The following CTNNA3 variants were observed in gnomAD, a reference collection of about 807,000 sequenced individuals.
The protein encoded by CTNNA3 is catenin alpha-3.
CTNNA3 carries 76 observed loss-of-function variants against 95.7 expected under a neutral mutation model. The ratio of observed to expected loss-of-function variants is 0.79; its 90% CI spans 0.66 to 0.96. CTNNA3 has a LOEUF of 0.96. Among genes scored for constraint, CTNNA3 ranks in the 40% least tolerant of loss-of-function variants. The probability of loss-of-function intolerance (pLI) is 0.00; values close to 1 mark genes in which losing one functional copy is unlikely to be tolerated. For synonymous variants in CTNNA3, 431 were observed against 374.4 expected, an observed-to-expected ratio of 1.15 and a Z score of -1.74; for missense variants, 1,191 against 1,089.8, an observed-to-expected ratio of 1.09 and a Z score of -1.31.
Position 67,124,475 on chromosome 10 carries a change from C to T in CTNNA3, c.1047+55842G>A, listed in dbSNP as rs543413345. ...TTACAAAAAATCAATTTCTAGATTA[C>T]ATTTGTCACATGGAGAATAACCAAT... On this transcript the variant is annotated intron_variant, in intron 7 of 17. Transcript: ENST00000433211. Among the ~76,000 whole-genome samples the T allele has an allele frequency of 2.6e-5, 4 of 151,924 alleles. No homozygotes were observed. In the South Asian group the frequency reaches 8.3e-4, roughly 32 times the overall value.
chr10:66,607,661 T>C (rs1844177973), intron 10 of CTNNA3, among the ~76,000 whole-genome samples: 2 of 151,970 alleles, frequency 1.3e-5, no homozygotes, highest in Non-Finnish European at 1.5e-5. Flanking sequence ...AATCAATACA[T>C]GTGATTTATC....
intron 16 of CTNNA3, among the ~76,000 whole-genome samples, chr10:65,978,307 C>G (rs901041235): frequency 6.6e-6 from 1 of 152,104 alleles, no homozygotes; most frequent in Non-Finnish European, 1.5e-5. Flanking sequence ...CAGTTCCTCC[C>G]TTATATCACC....
chr10:66,982,155 T>C (rs1198810353), intron 7 of CTNNA3, among the ~76,000 whole-genome samples: 1 of 152,244 alleles, frequency 6.6e-6, no homozygotes, highest in Non-Finnish European at 1.5e-5. Context: ...ATTTGCATTC[T>C]GGCAGTTTGA....
chr10:66,845,782 T>C (rs12355932), intron 7 of CTNNA3, among the ~76,000 whole-genome samples: 46,060 of 129,864 alleles, frequency 0.35, 9,120 homozygotes, highest in Non-Finnish European at 0.46. Context: ...CACACACACA[T>C]ATATATGTAT....
intron 11 of CTNNA3, among the ~76,000 whole-genome samples, chr10:66,508,818 G>T: frequency 6.6e-6 from 1 of 151,712 alleles, no homozygotes. Flanking sequence ...CCATATCTTC[G>T]CTCTTATGAA....
At chr10:66,091,557 G>T (rs1377089387) in intron 14 of CTNNA3, among the ~76,000 whole-genome samples, 2 of 151,892 alleles carry the variant, frequency 1.3e-5, no homozygotes, top group Non-Finnish European at 2.9e-5. Flanking sequence ...TAAAACTGTT[G>T]CCTTCATTGA....
At chr10:66,129,977 C>T (rs924066053) in intron 13 of CTNNA3, among the ~76,000 whole-genome samples, 12 of 152,280 alleles carry the variant, frequency 7.9e-5, no homozygotes, top group Admixed American at 6.5e-4. Flanking sequence ...TTCTCCCCAC[C>T]ACACCACCAT....
chr10:66,654,853 TTAC>T (rs1466115264), intron 9 of CTNNA3, among the ~76,000 whole-genome samples: 1 of 152,060 alleles, frequency 6.6e-6, no homozygotes, highest in East Asian at 1.9e-4. Context: ...AAGACAGGCT[TTAC>T]CACATGATCT....
chr10:66,006,248 C>T (rs1018039224), intron 15 of CTNNA3, among the ~76,000 whole-genome samples: 17 of 151,984 alleles, frequency 1.1e-4, no homozygotes, highest in East Asian at 3.9e-4. Flanking sequence ...CTCCTGACCT[C>T]GTGATCCGCC....
intron 7 of CTNNA3, among the ~76,000 whole-genome samples, chr10:66,777,236 C>T (rs1163968210): frequency 6.6e-6 from 1 of 152,118 alleles, no homozygotes; most frequent in Non-Finnish European, 1.5e-5. Flanking sequence ...AAATTCAATA[C>T]CAAATCTGGC....
intron 5 of CTNNA3, among the ~76,000 whole-genome samples, chr10:67,292,436 C>G (rs1229398095): frequency 6.6e-6 from 1 of 151,934 alleles, no homozygotes; most frequent in Non-Finnish European, 1.5e-5. Context: ...AAGTGGGAAT[C>G]CAGACAATTC....
At chr10:67,523,023 C>T (rs1840031792) in intron 4 of CTNNA3, among the ~76,000 whole-genome samples, 1 of 152,070 alleles carries the variant, frequency 6.6e-6, no homozygotes, top group Admixed American at 6.5e-5. Flanking sequence ...AATTAAGTTT[C>T]CAGGGAAATG....
chr10:67,244,610 A>C (rs964128604), intron 5 of CTNNA3, among the ~76,000 whole-genome samples: 1 of 152,218 alleles, frequency 6.6e-6, no homozygotes, highest in African/African-American at 2.4e-5. Flanking sequence ...TGTTCTTCAG[A>C]AATTGTTAGA....
intron 7 of CTNNA3, among the ~76,000 whole-genome samples, chr10:66,892,388 C>T (rs778878166): frequency 6.6e-6 from 1 of 151,968 alleles, no homozygotes; most frequent in Non-Finnish European, 1.5e-5. Flanking sequence ...TCCCGGAAAA[C>T]CAATATAGCT....
At chr10:67,131,448 GTTA>G (rs1429470190) in intron 7 of CTNNA3, among the ~76,000 whole-genome samples, 2 of 151,956 alleles carry the variant, frequency 1.3e-5, no homozygotes, top group Non-Finnish European at 2.9e-5. Context: ...TAGCTATTGT[GTTA>G]TTATTATTAT....
At chr10:67,301,219 CT>C (rs34884371) in intron 5 of CTNNA3, among the ~76,000 whole-genome samples, 1 of 152,126 alleles carries the variant, frequency 6.6e-6, no homozygotes, top group South Asian at 2.1e-4. Flanking sequence ...TAAATTACTC[CT>C]TTTTTCTATT....
intron 11 of CTNNA3, among the ~76,000 whole-genome samples, chr10:66,428,940 C>G (rs1161284867): frequency 2.0e-5 from 3 of 151,844 alleles, no homozygotes; most frequent in Non-Finnish European, 4.4e-5. Flanking sequence ...ACAAAAAACC[C>G]TTCAAAAAAT....
chr10:65,969,487 C>T (rs1377346400), intron 16 of CTNNA3, among the ~76,000 whole-genome samples: 1 of 152,018 alleles, frequency 6.6e-6, no homozygotes, highest in East Asian at 1.9e-4. Context: ...CAAGGAAGCT[C>T]AATAAGATCC....
chr10:66,551,891 T>C (rs1842227763), intron 10 of CTNNA3, among the ~76,000 whole-genome samples: 1 of 148,386 alleles, frequency 6.7e-6, no homozygotes, highest in African/African-American at 2.5e-5. Flanking sequence ...GAATCTTTTC[T>C]TTTCCTTTTT....
Sources: allele counts gnomAD v4.1 joint callset (sites outside exome capture counted in the v4.1 genomes callset), GRCh38; gene constraint gnomAD v4.1.1; transcripts MANE v1.5; gene names NCBI Gene and HGNC (gene_info 2026-07-23, HGNC 2026-07-21).